Variants in UBE2D2 observed in about 807,000 individuals in gnomAD.
UBE2D2 encodes the protein ubiquitin conjugating enzyme E2 D2.
UBE2D2 carries 2 observed loss-of-function variants against 24.2 expected under a neutral mutation model. The ratio of observed to expected loss-of-function variants is 0.08; its 90% CI spans 0.03 to 0.26. The LOEUF is 0.26. UBE2D2 is among the 10% of genes least tolerant of loss of function. The pLI, the probability that UBE2D2 is intolerant of heterozygous loss-of-function variation, is 1.00. For synonymous variants in UBE2D2, 58 were observed against 56.5 expected, an observed-to-expected ratio of 1.03 and a Z score of -0.12; for missense variants, 44 against 177.6, an observed-to-expected ratio of 0.25 and a Z score of 4.28.
chr5:139,615,829 ATTTTTTTT>A (rs200247238), intron 5 of UBE2D2, among the ~76,000 whole-genome samples: 1 of 95,432 alleles, frequency 1.0e-5, no homozygotes, highest in Non-Finnish European at 2.0e-5. Context: ...AATAATCTAG[ATTTTTTTT>A]TTTTTTTTTT....
At chr5:139,601,304 C>G (rs1261382289) in intron 2 of UBE2D2, among the ~76,000 whole-genome samples, 1 of 152,022 alleles carries the variant, frequency 6.6e-6, no homozygotes, top group African/African-American at 2.4e-5. Flanking sequence ...AACTAATTCA[C>G]AAAAAACTGT....
At chr5:139,599,441 A>G (rs1407093568) in intron 1 of UBE2D2, 1 of 152,018 alleles carries the variant, frequency 6.6e-6, no homozygotes, top group Non-Finnish European at 1.5e-5. Flanking sequence ...AAATGTTTAC[A>G]TTAAAACAAT....
chr5:139,579,347 A>G (rs908135100), intron 1 of UBE2D2, among the ~76,000 whole-genome samples: 2 of 152,090 alleles, frequency 1.3e-5, no homozygotes, highest in Non-Finnish European at 1.5e-5. Flanking sequence ...GGGTTTCTCC[A>G]TGTTGGTCAG....
intron 2 of UBE2D2, among the ~76,000 whole-genome samples, chr5:139,603,047 G>C (rs2126688681): frequency 6.6e-6 from 1 of 152,240 alleles, no homozygotes; most frequent in South Asian, 2.1e-4. Context: ...ATCTCATGGA[G>C]ATTCTCCATG....
At chr5:139,597,924 C>G (rs1045654307) in intron 1 of UBE2D2, among the ~76,000 whole-genome samples, 3 of 151,930 alleles carry the variant, frequency 2.0e-5, no homozygotes, top group African/African-American at 7.3e-5. Flanking sequence ...TTTTTTGAGA[C>G]GAAGTCTCGC....
chr5:139,605,784 G>C (rs1415554016), intron 2 of UBE2D2, among the ~76,000 whole-genome samples: 1 of 150,528 alleles, frequency 6.6e-6, no homozygotes, highest in East Asian at 2.0e-4. Flanking sequence ...TGTTGCCCAG[G>C]CTAGAGTGCA....
chr5:139,538,340 C>T (rs1374315163), intron 1 of UBE2D2, among the ~76,000 whole-genome samples: 1 of 152,232 alleles, frequency 6.6e-6, no homozygotes, highest in East Asian at 1.9e-4. Flanking sequence ...AAGTTCATAG[C>T]AGCATTACTC....
At chr5:139,546,687 T>C (rs1434034872) in intron 1 of UBE2D2, among the ~76,000 whole-genome samples, 1 of 150,972 alleles carries the variant, frequency 6.6e-6, no homozygotes, top group East Asian at 2.0e-4. Context: ...AGTTTCACCA[T>C]GTTTGCCAGA....
At chr5:139,611,564 C>A (rs925830119) in intron 2 of UBE2D2, among the ~76,000 whole-genome samples, 1 of 152,128 alleles carries the variant, frequency 6.6e-6, no homozygotes, top group Non-Finnish European at 1.5e-5. Flanking sequence ...GAAATGACAT[C>A]AACGTGAAGC....
intron 2 of UBE2D2, among the ~76,000 whole-genome samples, chr5:139,601,456 A>G (rs1016709133): frequency 6.6e-6 from 1 of 152,082 alleles, no homozygotes; most frequent in Non-Finnish European, 1.5e-5. Context: ...ACACACAAAA[A>G]AATTAGCCGG....
At chr5:139,587,546 GCGGGCAC>G (rs1364255008) in intron 1 of UBE2D2, among the ~76,000 whole-genome samples, 2 of 151,908 alleles carry the variant, frequency 1.3e-5, no homozygotes, top group African/African-American at 4.8e-5. Context: ...GGGCGTGGTG[GCGGGCAC>G]CACCAGCAAC....
At chr5:139,613,382 G>A (rs746980085) in intron 2 of UBE2D2, among the ~76,000 whole-genome samples, 16 of 152,176 alleles carry the variant, frequency 1.1e-4, no homozygotes, top group Non-Finnish European at 1.9e-4. Context: ...AGTATGAATG[G>A]TAAGTGTGCT....
At chr5:139,585,447 C>T (rs948287547) in intron 1 of UBE2D2, among the ~76,000 whole-genome samples, 8 of 151,924 alleles carry the variant, frequency 5.3e-5, no homozygotes, top group East Asian at 1.9e-4. Context: ...AAACTGATCT[C>T]GAGCTCCTGG....
Position 139,532,739 on chromosome 5 carries a change from G to A in UBE2D2, c.-64+6127G>A, listed in dbSNP as rs371691298. 1.8e-4 allele frequency among the ~76,000 whole-genome samples: 27 copies of A among 152,034 alleles called. No homozygotes were observed. The East Asian group carries it at 5.0e-3, about 28-fold the overall frequency. Reference sequence around the variant, plus strand: ...TGACCTCAACGGATCAGCCTGCCTCGGCCTCCCAAAGTGCTGGGATTACAG... The same window carrying A: ...TGACCTCAACGGATCAGCCTGCCTCAGCCTCCCAAAGTGCTGGGATTACAG... On this transcript the variant is annotated intron_variant, in intron 1 of 6. Transcript: ENST00000511725.
At position 139,598,467 on chromosome 5, in the gene UBE2D2, C is replaced by T. The variant is rs575083772; in HGVS notation, c.25-1905C>T. ...TCACCCAATAACAAGTCTCAAGTTT[C>T]TGGGCTTTTATGTTTAAAAAGCTGA... On this transcript the variant is annotated intron_variant, in intron 1 of 6. Transcript: ENST00000398733. 2.0e-5 allele frequency among the ~76,000 whole-genome samples: 3 copies of T among 149,316 alleles called. No individual in the cohort carries two copies. In the South Asian group the frequency reaches 6.4e-4, roughly 32 times the overall value.
chr5:139,587,672 C>CA (rs766266617), intron 1 of UBE2D2, among the ~76,000 whole-genome samples: 6,082 of 35,002 alleles, frequency 0.17, 456 homozygotes, highest in Non-Finnish European at 0.21. Flanking sequence ...GACCCCATCT[C>CA]AAAAAAAAAA....
chr5:139,541,104 C>T (rs1035025662), intron 1 of UBE2D2, among the ~76,000 whole-genome samples: 2 of 151,946 alleles, frequency 1.3e-5, no homozygotes, highest in African/African-American at 4.8e-5. Flanking sequence ...TCGAGAGCAG[C>T]CTGGCCAACA....
chr5:139,624,317 T>A (rs887528397), intron 6 of UBE2D2, among the ~76,000 whole-genome samples: 66 of 152,344 alleles, frequency 4.3e-4, no homozygotes, highest in Non-Finnish European at 7.4e-5. Context: ...TTTTTTCTTT[T>A]CTTTTTTTCT....
At chr5:139,596,683 T>G (rs769665257) in intron 1 of UBE2D2, among the ~76,000 whole-genome samples, 88 of 151,696 alleles carry the variant, frequency 5.8e-4, no homozygotes, top group Non-Finnish European at 1.1e-3. Context: ...GAAGGATCGC[T>G]TGAGTCTAGG....
Sources: gnomAD v4.1 joint callset for allele counts (sites outside exome capture counted in the v4.1 genomes callset) on GRCh38, gnomAD v4.1.1 for gene constraint, MANE v1.5 for transcripts, NCBI Gene and HGNC (gene_info 2026-07-23, HGNC 2026-07-21) for gene names.